The following NXF3 variants were observed in gnomAD, a reference collection of about 807,000 sequenced individuals.
NXF3 encodes the protein nuclear RNA export factor 3.
A neutral mutation model predicts 48.4 loss-of-function variants in NXF3; 34 were observed. The observed-to-expected ratio is 0.70, with a 90% CI of 0.53 to 0.93. NXF3 has a LOEUF of 0.93. Among genes scored for constraint, NXF3 ranks in the 40% least tolerant of loss-of-function variants. NXF3 has a pLI of 0.00. For missense variants in NXF3, 359 were observed against 406.1 expected (o/e 0.88, Z 1.00); for synonymous variants, 132 against 145.7 (o/e 0.91, Z 0.68).
Position 103,083,467 on chromosome X carries a change from C to T in NXF3, c.471G>A (p.Val157=), listed in dbSNP as rs777413983. The T allele has an allele frequency of 1.1e-5, 13 of 1,209,144 alleles. No homozygotes were observed. The highest frequency in any genetic ancestry group is 1.7e-5 in the African/African-American group (1 of 57,177). Residue 157 remains valine (V), a synonymous_variant, in exon 5 of 20, where the codon GTG becomes GTA. Coordinates refer to ENST00000395065, the MANE Select transcript of NXF3 (RefSeq NM_022052.2). ...GTGCATAGGCGATGCTGGCATTCTC[C>T]ACAAAGAAGCTGGCATGCATGTTTT... ...HYENMHASFF[V]ENASIAYALK... is the part of the protein sequence containing the mutation.
chrX:103,087,580 G>A (rs1425351566), intron 1 of NXF3: 5 of 958,421 alleles, frequency 5.2e-6, no homozygotes, highest in Non-Finnish European at 7.5e-6. Context: ...AACATATGGA[G>A]TGTATAATAC....
chrX:103,080,852 A>C (rs1367669882), intron 9 of NXF3: 4 of 410,153 alleles, frequency 9.8e-6, no homozygotes, highest in Non-Finnish European at 1.7e-5. Context: ...GGGAGTAGGA[A>C]ATGGGGTGGG....
At position 103,083,640 on chromosome X, in the gene NXF3, T is replaced by C. The variant is rs1392253516; in HGVS notation, c.404A>G (p.Asn135Ser). 3 of 1,210,526 alleles carry C rather than the reference T, an allele frequency of 2.5e-6. No homozygotes were observed. The highest frequency in any genetic ancestry group is 2.3e-4 in the Middle Eastern group (1 of 4,354). The change falls in exon 4 of 20, where the codon AAT becomes AGT. Residue 135 changes from asparagine (N) to serine (S), a missense_variant. By Grantham distance (46) the Asn-to-Ser change is conservative (BLOSUM62 1). Coordinates refer to ENST00000395065, the MANE Select transcript of NXF3 (RefSeq NM_022052.2). ...TGGGACGAAGGGTACACTGCATTCA[T>C]TCTGAATCAAATTCAGCAGCCACTT... ...NEKWLLNLIQ[N>S]ECSVPFVPVE...
intron 1 of NXF3, chrX:103,089,144 T>C: frequency 2.5e-6 from 2 of 790,732 alleles, no homozygotes; most frequent in Non-Finnish European, 1.9e-6. Context: ...AACTAATTCA[T>C]GCAGGGCAGA....
chrX:103,088,179 A>C, intron 1 of NXF3: 1 of 1,012,960 alleles, frequency 9.9e-7, no homozygotes, highest in South Asian at 2.0e-5. Context: ...AAGAAGCTAC[A>C]ACTATAAAAC....
At chrX:103,085,988 A>T (rs770428202) in intron 1 of NXF3, among the ~76,000 whole-genome samples, 5 of 108,487 alleles carry the variant, frequency 4.6e-5, no homozygotes, top group Non-Finnish European at 9.6e-5. Context: ...CCCTCTCCTT[A>T]TTTCTGGGAC....
intron 1 of NXF3, among the ~76,000 whole-genome samples, chrX:103,092,463 G>C (rs1922302793): frequency 8.9e-6 from 1 of 112,438 alleles, no homozygotes; most frequent in Admixed American, 9.4e-5. Context: ...TAGAGAAATA[G>C]TTAAAACCAC....
At position 103,088,093 on chromosome X, in the gene NXF3, G is replaced by A. The variant is rs770944006; in HGVS notation, c.29-3210C>T. The A allele has an allele frequency of 4.5e-5, 41 of 920,717 alleles. No individual in the cohort carries two copies. In the African/African-American group the frequency reaches 7.2e-4, roughly 16 times the overall value. 75.9% of individuals were successfully genotyped at this position (920,717 alleles called of 1,213,427 possible). On this transcript the variant is annotated intron_variant, in intron 1 of 19. Transcript: ENST00000395065. ...TTTTCAATATCCAAAGTGTGAAAATGTTTTGAATCACAGCAGATTCTCAAT... is the reference window on the plus strand; with the variant it reads ...TTTTCAATATCCAAAGTGTGAAAATATTTTGAATCACAGCAGATTCTCAAT...
At position 103,088,050 on chromosome X, in the gene NXF3, C is replaced by T. The variant is rs773673457; in HGVS notation, c.29-3167G>A. On this transcript the variant is annotated intron_variant, in intron 1 of 19. Transcript: ENST00000395065. ...AGTAGAATAATCCACTTTATGTCCA[C>T]TCAATTTATATTGTCCCTTTTCAAT... is the stretch of plus-strand genomic sequence containing the variant. 62 of 903,630 alleles carry T rather than the reference C, an allele frequency of 6.9e-5. No individual in the cohort carries two copies. The South Asian group carries it at 1.2e-3, about 18-fold the overall frequency. The allele number at this position is 903,630 out of a possible 1,213,427, so 74.5% of individuals were successfully genotyped here. A position where few individuals can be genotyped will look rare whatever the true frequency, so the allele number is the denominator to read the frequency against.
intron 1 of NXF3, among the ~76,000 whole-genome samples, chrX:103,086,570 A>C (rs1239410202): frequency 2.7e-5 from 3 of 110,602 alleles, no homozygotes; most frequent in Admixed American, 1.9e-4. Context: ...AAAAATAAAT[A>C]TATAGTAATA....
chrX:103,082,055 CG>C lies in NXF3; in HGVS notation c.890+199del, dbSNP rs1307687458. The stretch of plus-strand genomic sequence containing the variant: ...GACAGGTGGGAAACACATCCCAGAG[CG>C]GGTGAAAAGGGGACCATGTCAGAGG... On this transcript the variant is annotated intron_variant, in intron 9 of 19. Transcript: ENST00000395065. 7.0e-6 allele frequency: 3 copies of C among 431,625 alleles called. No individual in the cohort carries two copies. The Admixed American group carries it at 1.1e-4, about 15-fold the overall frequency. The allele number at this position is 431,625 out of a possible 1,213,427, so 35.6% of individuals were successfully genotyped here. A position where few individuals can be genotyped will look rare whatever the true frequency, so the allele number is the denominator to read the frequency against.
At position 103,083,397 on chromosome X, in the gene NXF3, C is replaced by G. The variant is rs751749488; in HGVS notation, c.540+1G>C. On this transcript the variant is annotated splice_donor_variant, in intron 5 of 19. Transcript: ENST00000395065. LOFTEE classifies it high-confidence loss of function. ...GCCCTGGTCATTCATTTGACACACACCTTTTCATTATCCTCATCCCAAATC... is the reference window on the plus strand; with the variant it reads ...GCCCTGGTCATTCATTTGACACACAGCTTTTCATTATCCTCATCCCAAATC... The G allele has an allele frequency of 1.2e-5, 14 of 1,199,212 alleles. No individual in the cohort carries two copies. The East Asian group carries it at 3.9e-4, about 33-fold the overall frequency.
In NXF3 at chrX:103,075,993, A is replaced by G. The variant is rs929725140; in HGVS notation, c.*57T>C. 3 of 337,399 alleles carry G rather than the reference A, an allele frequency of 8.9e-6. No individual in the cohort carries two copies. The highest frequency in any genetic ancestry group is 7.8e-5 in the African/African-American group (3 of 38,538). 27.8% of individuals were successfully genotyped at this position (337,399 alleles called of 1,213,427 possible). ...CAGATCTCCTGGTTCAGTCACAGGG[A>G]AATACATCTATTGGAACAAAAATAC... On this transcript the variant is annotated 3_prime_UTR_variant, in exon 20 of 20. Transcript: ENST00000395065.
rs1025901709 is a variant in NXF3 at position 103,077,844 on chromosome X, G to C, written c.1452-98C>G. The C allele has an allele frequency of 3.8e-5, 38 of 995,459 alleles. 1 individual carries two copies. The South Asian group carries it at 7.7e-4, about 20-fold the overall frequency. The allele number at this position is 995,459 out of a possible 1,213,427, so 82.0% of individuals were successfully genotyped here. ...TACTGTTCAGCAACCTGATTTCTTC[G>C]ATACCTCTACTGTGCCTCCCTCCTA... On this transcript the variant is annotated intron_variant, in intron 17 of 19. Transcript: ENST00000395065.
At chrX:103,080,801 CCT>C (rs1457094718) in intron 9 of NXF3, 189 bp from the exon 10 acceptor site, 1 of 449,766 alleles carries the variant, frequency 2.2e-6, no homozygotes, top group African/African-American at 2.5e-5. Flanking sequence ...TCCCTCCATC[CCT>C]CTCTCACCTT....
At position 103,083,996 on chromosome X, in the gene NXF3, G is replaced by A. The variant is rs142899451; in HGVS notation, c.352-304C>T. Reference sequence around the variant, plus strand: ...AAAGTCCCACAAGAGCCTACCTAAGGCAGACCAGGCCTGCCCCTTTGACAA... The same window carrying A: ...AAAGTCCCACAAGAGCCTACCTAAGACAGACCAGGCCTGCCCCTTTGACAA... On this transcript the variant is annotated intron_variant, in intron 3 of 19. Transcript: ENST00000395065. Among the ~76,000 whole-genome samples, 545 of 111,015 alleles carry A rather than the reference G, an allele frequency of 4.9e-3. 1 individual carries two copies. The highest frequency in any genetic ancestry group is 6.7e-3 in the Admixed American group (70 of 10,431).
intron 9 of NXF3, 22 bp from the exon 10 acceptor site, chrX:103,080,634 T>C: frequency 8.3e-7 from 1 of 1,203,305 alleles, no homozygotes; most frequent in Non-Finnish European, 1.1e-6. Flanking sequence ...CAAAACAAAA[T>C]GGACAACGGT....
chrX:103,092,169 G>A (rs1234585919), intron 1 of NXF3, among the ~76,000 whole-genome samples: 4 of 109,682 alleles, frequency 3.6e-5, no homozygotes, highest in African/African-American at 6.6e-5. Flanking sequence ...GATTATTTAC[G>A]GACATAGTTT....
chrX:103,079,105 GGAACAAGA>G (rs1356099587), intron 16 of NXF3, 108 bp downstream of exon 16: 1 of 781,967 alleles, frequency 1.3e-6, no homozygotes, highest in Non-Finnish European at 2.0e-6. Flanking sequence ...AAACACGGAG[GGAACAAGA>G]GGAAGGAAAG....
Sources: gnomAD v4.1 joint callset for allele counts (sites outside exome capture counted in the v4.1 genomes callset) on GRCh38, gnomAD v4.1.1 for gene constraint, MANE v1.5 for transcripts, NCBI Gene and HGNC (gene_info 2026-07-23, HGNC 2026-07-21) for gene names.